BBS9: variants seen among roughly 807,000 people sequenced by gnomAD.
The protein encoded by BBS9 is Bardet-Biedl syndrome 9.
In BBS9, 89 loss-of-function variants were observed where a neutral mutation model predicts 117.7. The ratio of observed to expected loss-of-function variants is 0.76; its 90% CI spans 0.64 to 0.90. The LOEUF is 0.90. BBS9 is among the 40% of genes least tolerant of loss of function. The pLI is 0.00. For synonymous variants in BBS9, 379 were observed against 370.9 expected (o/e 1.02, Z -0.25); for missense variants, 982 against 1,042.2 (o/e 0.94, Z 0.80).
At chr7:33,406,235 AT>A (rs1388593203) in intron 19 of BBS9, among the ~76,000 whole-genome samples, 3 of 152,134 alleles carry the variant, frequency 2.0e-5, no homozygotes, top group South Asian at 4.2e-4. Flanking sequence ...GTTCTTTTAC[AT>A]TTGCTGGGGA....
chr7:33,462,230 A>G (rs556879369), intron 19 of BBS9, among the ~76,000 whole-genome samples: 1 of 152,244 alleles, frequency 6.6e-6, no homozygotes, highest in Non-Finnish European at 1.5e-5. Context: ...CATATAAAAT[A>G]TTCCAAATTT....
At chr7:33,439,601 TA>T (rs1371486786) in intron 19 of BBS9, among the ~76,000 whole-genome samples, 2 of 149,886 alleles carry the variant, frequency 1.3e-5, no homozygotes, top group Non-Finnish European at 2.9e-5. Context: ...CAGTCTTGGC[TA>T]ACTGCAACCT....
Position 33,515,554 on chromosome 7 carries a change from T to C in BBS9, c.2298+9909T>C, listed in dbSNP as rs556269056. On this transcript the variant is annotated intron_variant, in intron 20 of 22. Transcript: ENST00000242067. ...CTCCTCAGTTGAACTGTACGTTGCC[T>C]GAAGTTAAGAAGCCTCTGTTCAAAG... 9.6e-4 allele frequency among the ~76,000 whole-genome samples: 146 copies of C among 152,336 alleles called. 2 individuals carry two copies. The highest frequency in any genetic ancestry group is 3.4e-3 in the African/African-American group (141 of 41,572).
At chr7:33,138,186 G>C (rs893422913) in intron 1 of BBS9, among the ~76,000 whole-genome samples, 1 of 151,610 alleles carries the variant, frequency 6.6e-6, no homozygotes, top group Non-Finnish European at 1.5e-5. Flanking sequence ...GCAATTAGCT[G>C]TGTGAGGTAT....
chr7:33,616,217 AAT>A (rs1252006190), intron 21 of BBS9, among the ~76,000 whole-genome samples: 2 of 150,968 alleles, frequency 1.3e-5, no homozygotes, highest in South Asian at 2.1e-4. Context: ...AATGTATTAA[AAT>A]ATATATATAA....
chr7:33,194,222 C>T (rs923393588), intron 5 of BBS9, among the ~76,000 whole-genome samples: 2 of 152,144 alleles, frequency 1.3e-5, no homozygotes, highest in Non-Finnish European at 2.9e-5. Context: ...TCTCCCCTCC[C>T]CTTCCTGGAT....
intron 19 of BBS9, among the ~76,000 whole-genome samples, chr7:33,498,146 A>G (rs1844983801): frequency 6.6e-6 from 1 of 152,196 alleles, no homozygotes; most frequent in Admixed American, 6.5e-5. Flanking sequence ...ACCAGTAGTC[A>G]TAGTTAGATG....
chr7:33,390,519 TA>T, intron 19 of BBS9: 8 of 968,250 alleles, frequency 8.3e-6, no homozygotes, highest in Non-Finnish European at 9.8e-6. Flanking sequence ...ATGAGTACTA[TA>T]AGGATTTTGA....
intron 5 of BBS9, among the ~76,000 whole-genome samples, chr7:33,190,894 A>G (rs1291068449): frequency 6.6e-6 from 1 of 152,096 alleles, no homozygotes; most frequent in Non-Finnish European, 1.5e-5. Context: ...TCAGTGAATA[A>G]TTAACTGTGG....
At chr7:33,338,999 TG>T (rs1188352936) in intron 10 of BBS9, among the ~76,000 whole-genome samples, 1 of 152,218 alleles carries the variant, frequency 6.6e-6, no homozygotes, top group Non-Finnish European at 1.5e-5. Flanking sequence ...ACTAAGCTGA[TG>T]ATAACACTGA....
chr7:33,624,225 A>G (rs867683232), intron 21 of BBS9, among the ~76,000 whole-genome samples: 86 of 152,310 alleles, frequency 5.6e-4, no homozygotes, highest in African/African-American at 1.9e-3. Flanking sequence ...TTCTAAATGT[A>G]AAATTATATA....
At chr7:33,301,497 C>A (rs1250993581) in intron 9 of BBS9, among the ~76,000 whole-genome samples, 1 of 152,148 alleles carries the variant, frequency 6.6e-6, no homozygotes, top group East Asian at 1.9e-4. Context: ...TTAGCTCCCA[C>A]AAATAAGTGA....
intron 19 of BBS9, among the ~76,000 whole-genome samples, chr7:33,488,367 T>G (rs975344110): frequency 6.6e-6 from 1 of 152,170 alleles, no homozygotes; most frequent in African/African-American, 2.4e-5. Context: ...CATTTTTTCC[T>G]CATAAAAGGG....
chr7:33,233,445 T>A (rs1425799095), intron 5 of BBS9, among the ~76,000 whole-genome samples: 2 of 152,132 alleles, frequency 1.3e-5, no homozygotes, highest in Non-Finnish European at 2.9e-5. Flanking sequence ...ATTTTTGGAA[T>A]CATTAGAGGT....
chr7:33,214,164 T>C lies in BBS9; in HGVS notation c.442+36573T>C, dbSNP rs537176883. ...TGTTGAGAAATTCAAGTTCCTACCA[T>C]TGGGATGGGCGATTCCCCTCTGGCT... On this transcript the variant is annotated intron_variant, in intron 5 of 22. Coordinates refer to ENST00000242067, the MANE Select transcript of BBS9 (RefSeq NM_198428.3). Among the ~76,000 whole-genome samples, 13 of 152,284 alleles carry C rather than the reference T, an allele frequency of 8.5e-5. 1 individual carries two copies. In the South Asian group the frequency reaches 2.5e-3, roughly 29 times the overall value.
intron 19 of BBS9, among the ~76,000 whole-genome samples, chr7:33,487,337 TATTA>T (rs1286522493): frequency 1.3e-4 from 20 of 152,332 alleles, no homozygotes; most frequent in African/African-American, 4.3e-4. Context: ...GTTTGGAGAA[TATTA>T]ATTAAGATTA....
rs544038201 is a variant in BBS9, at chr7:33,199,637, A to G, written c.442+22046A>G. On this transcript the variant is annotated intron_variant, in intron 5 of 22. Transcript: ENST00000242067. ...CTCAGTCTCCTTTCCTCCTCCTCTC[A>G]CTTCAAAACTTAAAAATGATTATAC... is the stretch of plus-strand genomic sequence containing the variant. 8.6e-5 allele frequency among the ~76,000 whole-genome samples: 13 copies of G among 151,094 alleles called. No individual in the cohort carries two copies. The South Asian group carries it at 2.7e-3, about 32-fold the overall frequency.
At chr7:33,479,254 A>G (rs1842205276) in intron 19 of BBS9, among the ~76,000 whole-genome samples, 1 of 151,790 alleles carries the variant, frequency 6.6e-6, no homozygotes. Context: ...CTTCCCTCCC[A>G]CCTTTAGTAG....
intron 19 of BBS9, among the ~76,000 whole-genome samples, chr7:33,470,622 A>G (rs1263918626): frequency 6.6e-6 from 1 of 152,228 alleles, no homozygotes; most frequent in Non-Finnish European, 1.5e-5. Context: ...ATATCTTAGC[A>G]TAATAGACTT....
Sources: gnomAD v4.1 joint callset for allele counts (sites outside exome capture counted in the v4.1 genomes callset) on GRCh38, gnomAD v4.1.1 for gene constraint, MANE v1.5 for transcripts, NCBI Gene and HGNC (gene_info 2026-07-23, HGNC 2026-07-21) for gene names.